The following LINGO2 variants were observed in gnomAD, a reference collection of about 807,000 sequenced individuals.
LINGO2 encodes leucine-rich repeat and immunoglobulin-like domain-containing nogo receptor-interacting protein 2.
A neutral mutation model predicts 30.6 loss-of-function variants in LINGO2; 14 were observed. The ratio of observed to expected loss-of-function variants is 0.46; its 90% CI spans 0.30 to 0.72. The LOEUF (loss-of-function observed/expected upper bound fraction) is 0.72, where lower values mean the gene tolerates loss of function less well. LINGO2 is among the 30% of genes least tolerant of loss of function. The pLI is 0.07. For missense variants in LINGO2, 729 were observed against 751.7 expected (o/e 0.97, Z 0.35); for synonymous variants, 317 against 288.5 (o/e 1.10, Z -1.00).
At chr9:28,814,810 C>T in the LINGO2 span, among the ~76,000 whole-genome samples, 2 of 147,468 alleles carry the variant, frequency 1.4e-5, no homozygotes, top group African/African-American at 4.9e-5. Context: ...CACACACAAA[C>T]AGACACACAC....
chr9:27,988,625 C>A (rs186825723), intron 5 of LINGO2, among the ~76,000 whole-genome samples: 3 of 151,900 alleles, frequency 2.0e-5, no homozygotes, highest in African/African-American at 7.2e-5. Context: ...TCATGTCTGT[C>A]GGCTGCATAA....
At chr9:28,721,013 T>C in the LINGO2 span, among the ~76,000 whole-genome samples, 1 of 151,986 alleles carries the variant, frequency 6.6e-6, no homozygotes, top group African/African-American at 2.4e-5. Flanking sequence ...TTAAGATGGA[T>C]GAAGAGACAC....
At chr9:28,754,531 A>G in the LINGO2 span, among the ~76,000 whole-genome samples, 5 of 152,220 alleles carry the variant, frequency 3.3e-5, no homozygotes, top group African/African-American at 4.8e-5. Flanking sequence ...TTTAATAAAC[A>G]TACCAAGTGA....
chr9:28,293,454 A>G (rs1382576795), intron 4 of LINGO2, among the ~76,000 whole-genome samples: 1 of 152,158 alleles, frequency 6.6e-6, no homozygotes, highest in Non-Finnish European at 1.5e-5. Context: ...GATATACACA[A>G]TCAACACACA....
rs183749334 is a variant in LINGO2 at position 28,519,778 on chromosome 9, T to C, written c.-364-43753A>G. ...TGGGGTTTTTGACAGAGAAAGAGTT[T>C]ATAATTTCGATGAGGTGAAATTTAT... On this transcript the variant is annotated intron_variant, in intron 1 of 5. Coordinates refer to ENST00000379992, the Ensembl canonical transcript of LINGO2. Among the ~76,000 whole-genome samples, 237 of 152,296 alleles carry C rather than the reference T, an allele frequency of 1.6e-3. 2 individuals are homozygous for C. The highest frequency in any genetic ancestry group is 5.4e-3 in the African/African-American group (224 of 41,556).
chr9:28,987,998 T>C, the LINGO2 span, among the ~76,000 whole-genome samples: 1,037 of 152,320 alleles, frequency 6.8e-3, 15 homozygotes, highest in African/African-American at 0.024. Context: ...GAAGAGTGTA[T>C]TTTCTGTTGC....
At chr9:28,623,761 A>G (rs1175319841) in intron 1 of LINGO2, among the ~76,000 whole-genome samples, 2 of 151,986 alleles carry the variant, frequency 1.3e-5, no homozygotes, top group East Asian at 1.9e-4. Context: ...TAGGAATTGC[A>G]TTGAATGTAT....
intron 4 of LINGO2, chr9:28,012,485 G>C (rs558480293): frequency 2.0e-5 from 3 of 151,728 alleles, no homozygotes; most frequent in South Asian, 4.2e-4. Flanking sequence ...TTTCTCTACT[G>C]TCTCTGCTGC....
the LINGO2 span, among the ~76,000 whole-genome samples, chr9:28,732,051 C>G: frequency 1.6e-4 from 24 of 152,168 alleles, no homozygotes; most frequent in South Asian, 4.8e-3. Flanking sequence ...CTCAACTGAA[C>G]CTTCCGGGAT....
At chr9:29,046,899 T>G in the LINGO2 span, among the ~76,000 whole-genome samples, 1 of 80,770 alleles carries the variant, frequency 1.2e-5, no homozygotes, top group Non-Finnish European at 2.8e-5. Flanking sequence ...GTCAACATGG[T>G]GAAACCCCAT....
the LINGO2 span, among the ~76,000 whole-genome samples, chr9:28,844,660 T>C: frequency 2.6e-5 from 4 of 151,856 alleles, no homozygotes; most frequent in East Asian, 7.7e-4. Flanking sequence ...AGCCCATCTG[T>C]ACTTCCCAAT....
At chr9:28,208,299 G>A (rs1045810550) in intron 4 of LINGO2, among the ~76,000 whole-genome samples, 29 of 152,048 alleles carry the variant, frequency 1.9e-4, no homozygotes, top group Admixed American at 1.8e-3. Context: ...TGGGGTGGGG[G>A]AGGAGAACTA....
chr9:28,965,844 C>A, the LINGO2 span, among the ~76,000 whole-genome samples: 2 of 152,056 alleles, frequency 1.3e-5, no homozygotes, highest in South Asian at 4.1e-4. Context: ...ATAAATATAT[C>A]CATGTGGCAG....
chr9:28,389,036 A>G (rs1425482289), intron 2 of LINGO2, among the ~76,000 whole-genome samples: 1 of 152,150 alleles, frequency 6.6e-6, no homozygotes, highest in African/African-American at 2.4e-5. Context: ...AAGGAAGACA[A>G]TTATTTTTGC....
chr9:28,143,194 T>C (rs1056676192), intron 4 of LINGO2, among the ~76,000 whole-genome samples: 3 of 152,094 alleles, frequency 2.0e-5, no homozygotes, highest in Admixed American at 1.3e-4. Context: ...ATGCCAAAAT[T>C]CGATATCTAC....
At chr9:28,264,668 T>C (rs1484958334) in intron 4 of LINGO2, among the ~76,000 whole-genome samples, 1 of 151,918 alleles carries the variant, frequency 6.6e-6, no homozygotes, top group African/African-American at 2.4e-5. Context: ...GGATTTGTAT[T>C]CTAGCTCGGC....
intron 1 of LINGO2, among the ~76,000 whole-genome samples, chr9:28,635,999 A>C (rs183263611): frequency 6.0e-4 from 91 of 151,682 alleles, no homozygotes; most frequent in African/African-American, 1.5e-3. Flanking sequence ...AACAGGCCCC[A>C]GTGTGTGATG....
the LINGO2 span, among the ~76,000 whole-genome samples, chr9:28,687,857 A>G: frequency 6.6e-6 from 1 of 152,160 alleles, no homozygotes; most frequent in Non-Finnish European, 1.5e-5. Flanking sequence ...ACGGCTATAC[A>G]GTAACATAGT....
At chr9:28,456,272 G>A (rs1824842822) in intron 2 of LINGO2, among the ~76,000 whole-genome samples, 1 of 152,124 alleles carries the variant, frequency 6.6e-6, no homozygotes, top group African/African-American at 2.4e-5. Context: ...TCAACACAAG[G>A]CAACTACAGG....
Sources: gnomAD v4.1 joint callset for allele counts (sites outside exome capture counted in the v4.1 genomes callset) on GRCh38, gnomAD v4.1.1 for gene constraint, MANE v1.5 for transcripts, NCBI Gene and HGNC (gene_info 2026-07-23, HGNC 2026-07-21) for gene names.